Variants in TMEM38A observed in about 807,000 individuals in gnomAD.
The protein encoded by TMEM38A is transmembrane protein 38A, also known as trimeric intracellular cation channel type A.
TMEM38A carries 17 observed loss-of-function variants against 28.6 expected under a neutral mutation model. The ratio of observed to expected loss-of-function variants is 0.60; its 90% CI spans 0.41 to 0.89. The LOEUF (loss-of-function observed/expected upper bound fraction) is 0.89. Ranked by LOEUF, TMEM38A falls within the 40% of genes least tolerant of loss-of-function variation. The probability of loss-of-function intolerance (pLI) is 0.00; values close to 1 mark genes in which losing one functional copy is unlikely to be tolerated. For synonymous variants in TMEM38A, 169 were observed against 166.1 expected (o/e 1.02, Z -0.14); for missense variants, 328 against 393.1 (o/e 0.83, Z 1.40).
intron 3 of TMEM38A, 100 bp downstream of exon 3, chr19:16,680,681 C>A: frequency 1.6e-6 from 2 of 1,259,774 alleles, no homozygotes; most frequent in Non-Finnish European, 2.2e-6. Context: ...GCTCCAGGCA[C>A]AGGGGCATAA....
At position 16,680,561 on chromosome 19, in the gene TMEM38A, T is replaced by C. The variant is rs1181273615; in HGVS notation, c.446T>C (p.Ile149Thr). The C allele has an allele frequency of 6.2e-7, 1 of 1,614,056 alleles. No homozygotes were observed. The highest frequency in any genetic ancestry group is 1.7e-5 in the Admixed American group (1 of 60,008). ...HHYHHGWFVM[I>T]ATGWVKGSGV... ...TACCACCACGGGTGGTTCGTCATGA[T>C]TGCAACTGGGTGGGTCAAAGGTAAA... is the stretch of plus-strand genomic sequence containing the variant. The change falls in exon 3 of 6, where the codon ATT (isoleucine) becomes ACT (threonine). Residue 149 changes from isoleucine to threonine, a missense_variant. Ile to Thr is a moderately conservative substitution (Grantham distance 89). Coordinates refer to ENST00000187762, the MANE Select transcript of TMEM38A (RefSeq NM_024074.4).
intron 5 of TMEM38A, among the ~76,000 whole-genome samples, chr19:16,686,951 T>G (rs1172434684): frequency 6.6e-6 from 1 of 152,172 alleles, no homozygotes; most frequent in South Asian, 2.1e-4. Flanking sequence ...TGTCCTGCTA[T>G]GTTTGTAGCT....
chr19:16,684,735 AC>A (rs1170278436), intron 4 of TMEM38A, among the ~76,000 whole-genome samples: 1 of 152,058 alleles, frequency 6.6e-6, no homozygotes, highest in Non-Finnish European at 1.5e-5. Context: ...ATGATTTATT[AC>A]AGTGACAAGA....
intron 1 of TMEM38A, among the ~76,000 whole-genome samples, chr19:16,662,780 C>T (rs903684230): frequency 6.6e-6 from 1 of 151,950 alleles, no homozygotes; most frequent in Non-Finnish European, 1.5e-5. Context: ...AACAGGATTA[C>T]ACTCTATTTG....
intron 3 of TMEM38A, 111 bp from the exon 4 acceptor site, chr19:16,682,310 G>A: frequency 2.4e-6 from 2 of 826,616 alleles, no homozygotes; most frequent in Non-Finnish European, 4.1e-6. Context: ...CAGGCTCAGT[G>A]TCCTTCTAGA....
chr19:16,684,425 A>C lies in TMEM38A; in HGVS notation c.555-1863A>C, dbSNP rs1220513266. ...GTCTCAGAAGGTTGAAGCTGGAGTG[A>C]GCTGTGATCACACAAGTGTACTCCA... On this transcript the variant is annotated intron_variant, in intron 4 of 5. Transcript: ENST00000187762. 2.0e-5 allele frequency among the ~76,000 whole-genome samples: 3 copies of C among 152,036 alleles called. No homozygotes were observed. The East Asian group carries it at 5.8e-4, about 29-fold the overall frequency.
chr19:16,664,565 A>G (rs2086695390), intron 1 of TMEM38A, among the ~76,000 whole-genome samples: 2 of 152,168 alleles, frequency 1.3e-5, no homozygotes, highest in Admixed American at 1.3e-4. Context: ...GCCGATACAA[A>G]GTATCAGTGT....
At chr19:16,663,416 G>T (rs909015830) in intron 1 of TMEM38A, among the ~76,000 whole-genome samples, 34 of 152,138 alleles carry the variant, frequency 2.2e-4, no homozygotes, top group Non-Finnish European at 2.8e-4. Flanking sequence ...AGAAGTCCTA[G>T]AATAAGCCAT....
At chr19:16,674,776 G>T (rs1416551170) in intron 1 of TMEM38A, among the ~76,000 whole-genome samples, 1 of 151,908 alleles carries the variant, frequency 6.6e-6, no homozygotes, top group Admixed American at 6.6e-5. Context: ...TCCAGCCTGC[G>T]CAACAAGAGC....
chr19:16,682,425 T>C lies in TMEM38A; in HGVS notation c.471T>C (p.Ser157=), dbSNP rs1599391665. 1.9e-6 allele frequency: 3 copies of C among 1,614,040 alleles called. No individual in the cohort carries two copies. The highest frequency in any genetic ancestry group is 1.7e-4 in the Middle Eastern group (1 of 6,060). The change falls in exon 4 of 6, where the codon TCT becomes TCC. Residue 157 remains serine (S), a synonymous_variant. Transcript: ENST00000187762. ...VMIATGWVKG[S]GVALMSNFEQ... is the part of the protein sequence containing the mutation. Reference sequence around the variant, plus strand: ...CAGAAGCACCCTGTCCTGTAGGTTCTGGTGTCGCCCTCATGTCCAACTTTG... The same window carrying C: ...CAGAAGCACCCTGTCCTGTAGGTTCCGGTGTCGCCCTCATGTCCAACTTTG...
At chr19:16,667,561 T>A (rs931347446) in intron 1 of TMEM38A, among the ~76,000 whole-genome samples, 2 of 151,988 alleles carry the variant, frequency 1.3e-5, no homozygotes, top group Non-Finnish European at 2.9e-5. Context: ...AGGGAGATTT[T>A]AAAAATCCTT....
Position 16,688,563 on chromosome 19 carries a change from C to T in TMEM38A, c.*192C>T, listed in dbSNP as rs543412976. On this transcript the variant is annotated 3_prime_UTR_variant, in exon 6 of 6. Transcript: ENST00000187762. ...GAGGATGAAGAACTTTTGTAGAAATCGGGGTTCCCTCTTTCTCTCTGCCAG... is the reference window on the plus strand; with the variant it reads ...GAGGATGAAGAACTTTTGTAGAAATTGGGGTTCCCTCTTTCTCTCTGCCAG... 6 of 424,618 alleles carry T rather than the reference C, an allele frequency of 1.4e-5. No individual in the cohort carries two copies. The highest frequency in any genetic ancestry group is 9.3e-5 in the South Asian group (1 of 10,698). 26.3% of individuals were successfully genotyped at this position (424,618 alleles called of 1,614,324 possible).
intron 1 of TMEM38A, among the ~76,000 whole-genome samples, chr19:16,663,016 C>A (rs1393682145): frequency 6.6e-6 from 1 of 151,870 alleles, no homozygotes; most frequent in African/African-American, 2.4e-5. Context: ...CACAGTGGCT[C>A]ACGCCTGTAA....
intron 4 of TMEM38A, among the ~76,000 whole-genome samples, chr19:16,683,081 C>T (rs2086788178): frequency 6.6e-6 from 1 of 152,146 alleles, no homozygotes. Flanking sequence ...TCAAGAGATT[C>T]TCGTGCCTCA....
intron 1 of TMEM38A, among the ~76,000 whole-genome samples, chr19:16,664,140 G>A (rs181676000): frequency 5.9e-5 from 9 of 152,188 alleles, no homozygotes; most frequent in African/African-American, 1.9e-4. Context: ...TTGGAGGCCA[G>A]ATGTGATGGC....
At chr19:16,662,394 T>C (rs1470230794) in intron 1 of TMEM38A, among the ~76,000 whole-genome samples, 2 of 151,082 alleles carry the variant, frequency 1.3e-5, no homozygotes, top group African/African-American at 4.9e-5. Flanking sequence ...TGATGTCTCT[T>C]CTATTCATTT....
intron 1 of TMEM38A, among the ~76,000 whole-genome samples, chr19:16,667,035 G>A (rs373293304): frequency 2.0e-5 from 3 of 151,240 alleles, no homozygotes; most frequent in Non-Finnish European, 1.5e-5. Flanking sequence ...TTGGGAGGCC[G>A]AGGCGGGCGG....
At chr19:16,681,570 G>A (rs933121055) in intron 3 of TMEM38A, among the ~76,000 whole-genome samples, 12 of 152,064 alleles carry the variant, frequency 7.9e-5, no homozygotes, top group South Asian at 2.1e-4. Flanking sequence ...CTTTATCCTC[G>A]CTTCCTGCCC....
chr19:16,677,313 T>C (rs940847882), intron 1 of TMEM38A, among the ~76,000 whole-genome samples: 4 of 152,078 alleles, frequency 2.6e-5, no homozygotes, highest in Non-Finnish European at 4.4e-5. Context: ...GGGTACACTA[T>C]CATTAACTCA....
Sources: gnomAD v4.1 joint callset for allele counts (sites outside exome capture counted in the v4.1 genomes callset) on GRCh38, gnomAD v4.1.1 for gene constraint, MANE v1.5 for transcripts, NCBI Gene and HGNC (gene_info 2026-07-23, HGNC 2026-07-21) for gene names.